PEPD: variants seen among roughly 807,000 people sequenced by gnomAD.
The protein encoded by PEPD is peptidase D.
In PEPD, 53 loss-of-function variants were observed where a neutral mutation model predicts 60.7. That is an observed-to-expected ratio of 0.87 (90% CI 0.70 to 1.10). The LOEUF (loss-of-function observed/expected upper bound fraction) is 1.10. Ranked by LOEUF, PEPD falls within the 50% of genes least tolerant of loss-of-function variation. The pLI, the probability that PEPD is intolerant of heterozygous loss-of-function variation, is 0.00. For missense variants in PEPD, 711 were observed against 711.9 expected, an observed-to-expected ratio of 1.00 and a Z score of 0.01; for synonymous variants, 267 against 284.1, an observed-to-expected ratio of 0.94 and a Z score of 0.60.
At chr19:33,500,628 A>G (rs1600166415) in intron 4 of PEPD, among the ~76,000 whole-genome samples, 1 of 152,164 alleles carries the variant, frequency 6.6e-6, no homozygotes, top group Non-Finnish European at 1.5e-5. Context: ...ACCGTGTGCC[A>G]CCGCTGCAGG....
chr19:33,497,151 G>A (rs1970623285), intron 4 of PEPD, among the ~76,000 whole-genome samples: 1 of 152,272 alleles, frequency 6.6e-6, no homozygotes, highest in Non-Finnish European at 1.5e-5. Flanking sequence ...GGCTACTCCT[G>A]AACAATCAGG....
intron 3 of PEPD, among the ~76,000 whole-genome samples, chr19:33,504,586 A>T (rs1236231010): frequency 6.6e-6 from 1 of 152,146 alleles, no homozygotes; most frequent in Admixed American, 6.6e-5. Context: ...CAACATGGTA[A>T]AACCCTATCT....
chr19:33,392,491 G>C (rs1968248171), intron 12 of PEPD, among the ~76,000 whole-genome samples: 2 of 152,276 alleles, frequency 1.3e-5, no homozygotes, highest in East Asian at 3.9e-4. Context: ...GGCTGGGTTT[G>C]GGCAGGCCAC....
At chr19:33,446,871 C>G (rs1186145492) in intron 9 of PEPD, among the ~76,000 whole-genome samples, 2 of 152,220 alleles carry the variant, frequency 1.3e-5, no homozygotes, top group Non-Finnish European at 1.5e-5. Context: ...TCAGCAGGCC[C>G]CACGAAGGGC....
chr19:33,470,655 C>T (rs1470560678), intron 7 of PEPD, among the ~76,000 whole-genome samples: 1 of 152,186 alleles, frequency 6.6e-6, no homozygotes, highest in East Asian at 1.9e-4. Flanking sequence ...AGCACCGGCA[C>T]AGACACACAG....
chr19:33,512,823 C>A, intron 1 of PEPD, 47 bp from the exon 2 acceptor site: 1 of 1,602,594 alleles, frequency 6.2e-7, no homozygotes. Flanking sequence ...CTGTTAGCAT[C>A]TCCAAGCATG....
intron 7 of PEPD, among the ~76,000 whole-genome samples, chr19:33,467,943 ACGTCCT>A (rs1418219253): frequency 6.6e-6 from 1 of 152,184 alleles, no homozygotes; most frequent in East Asian, 1.9e-4. Flanking sequence ...TGAAAGGGCC[ACGTCCT>A]CCCCTAATGG....
At chr19:33,401,256 T>C (rs1450341704) in intron 12 of PEPD, among the ~76,000 whole-genome samples, 1 of 152,204 alleles carries the variant, frequency 6.6e-6, no homozygotes, top group Non-Finnish European at 1.5e-5. Flanking sequence ...TCAGTCTCCA[T>C]GAGTCGGCTG....
At chr19:33,389,694 G>A (rs1300360243) in intron 13 of PEPD, among the ~76,000 whole-genome samples, 2 of 152,228 alleles carry the variant, frequency 1.3e-5, no homozygotes, top group Non-Finnish European at 2.9e-5. Context: ...TGAGGGGCAG[G>A]TTTGTTTCCC....
intron 12 of PEPD, 126 bp from the exon 13 acceptor site, chr19:33,391,605 G>A: frequency 1.1e-6 from 1 of 886,294 alleles, no homozygotes; most frequent in Non-Finnish European, 1.8e-6. Context: ...GGGGTGAGGG[G>A]GCAAGGGTAC....
At chr19:33,509,297 C>T (rs566561958) in intron 3 of PEPD, among the ~76,000 whole-genome samples, 107 of 152,354 alleles carry the variant, frequency 7.0e-4, no homozygotes, top group African/African-American at 2.4e-3. Context: ...TCCCAGGGGC[C>T]GAGCCAGGAG....
At chr19:33,437,912 T>C (rs1021334412) in intron 9 of PEPD, among the ~76,000 whole-genome samples, 2 of 152,172 alleles carry the variant, frequency 1.3e-5, no homozygotes, top group Non-Finnish European at 1.5e-5. Context: ...GAATAACACA[T>C]GGAGTCTGAC....
At position 33,412,281 on chromosome 19, in the gene PEPD, A is replaced by T. The variant is rs1046727799; in HGVS notation, c.741-532T>A. On this transcript the variant is annotated intron_variant, in intron 10 of 14. Coordinates refer to ENST00000244137, the MANE Select transcript of PEPD (RefSeq NM_000285.4). ...AGGATCACCTGAGCCTGGGAAGTGGAGACTGCAATGAGCTATGATCATGCC... is the reference window on the plus strand; with the variant it reads ...AGGATCACCTGAGCCTGGGAAGTGGTGACTGCAATGAGCTATGATCATGCC... Among the ~76,000 whole-genome samples, 17 of 152,278 alleles carry T rather than the reference A, an allele frequency of 1.1e-4. 2 individuals carry two copies. The highest frequency in any genetic ancestry group is 4.1e-4 in the African/African-American group (17 of 41,568).
intron 9 of PEPD, among the ~76,000 whole-genome samples, chr19:33,420,538 C>T (rs2145378707): frequency 6.6e-6 from 1 of 152,096 alleles, no homozygotes; most frequent in African/African-American, 2.4e-5. Flanking sequence ...CCCGTCTCTA[C>T]TAAAAACACA....
At chr19:33,402,404 G>C (rs902448686) in intron 11 of PEPD, among the ~76,000 whole-genome samples, 1 of 152,170 alleles carries the variant, frequency 6.6e-6, no homozygotes, top group African/African-American at 2.4e-5. Flanking sequence ...CTAGAACTCC[G>C]GGCCTGAATC....
intron 9 of PEPD, among the ~76,000 whole-genome samples, chr19:33,452,635 A>AC (rs1214013668): frequency 6.6e-6 from 1 of 152,198 alleles, no homozygotes; most frequent in East Asian, 1.9e-4. Flanking sequence ...TTTTAAAAAC[A>AC]TAAGATTTTA....
chr19:33,511,000 A>G (rs1031419603), intron 3 of PEPD, 28 bp downstream of exon 3: 3 of 1,521,484 alleles, frequency 2.0e-6, no homozygotes, highest in Non-Finnish European at 2.7e-6. Context: ...GTTGGTAGCC[A>G]TGGTGCCCTG....
chr19:33,508,249 G>C (rs1017568853), intron 3 of PEPD, among the ~76,000 whole-genome samples: 4 of 152,144 alleles, frequency 2.6e-5, no homozygotes, highest in Non-Finnish European at 5.9e-5. Flanking sequence ...GGTCAAAACT[G>C]CAGGTGTCAC....
chr19:33,507,020 C>G (rs1229584604), intron 3 of PEPD, among the ~76,000 whole-genome samples: 2 of 151,812 alleles, frequency 1.3e-5, no homozygotes, highest in Non-Finnish European at 2.9e-5. Flanking sequence ...TGCACCACAC[C>G]ACACACAGGT....
Sources: gnomAD v4.1 joint callset for allele counts (sites outside exome capture counted in the v4.1 genomes callset) on GRCh38, gnomAD v4.1.1 for gene constraint, MANE v1.5 for transcripts, NCBI Gene and HGNC (gene_info 2026-07-23, HGNC 2026-07-21) for gene names.